The following CA11 variants were observed in gnomAD, a reference collection of about 807,000 sequenced individuals.
CA11 encodes carbonic anhydrase-related protein 11.
In CA11, 20 loss-of-function variants were observed where a neutral mutation model predicts 39.3. The observed-to-expected ratio is 0.51, with a 90% CI of 0.36 to 0.74. The LOEUF (loss-of-function observed/expected upper bound fraction) is 0.74. Ranked by LOEUF, CA11 falls within the 30% of genes least tolerant of loss-of-function variation. CA11 has a pLI of 0.00. For synonymous variants in CA11, 166 were observed against 172.5 expected (o/e 0.96, Z 0.29); for missense variants, 336 against 424.6 (o/e 0.79, Z 1.83).
chr19:48,638,027 T>G lies in CA11; in HGVS notation c.*92A>C. 1.1e-6 allele frequency: 1 copy of G among 905,266 alleles called. No individual in the cohort carries two copies. Among genetic ancestry groups the G allele is most frequent in the South Asian group, 2.1e-5 (1 of 47,266 alleles). 56.1% of individuals were successfully genotyped at this position (905,266 alleles called of 1,614,324 possible). On this transcript the variant is annotated 3_prime_UTR_variant, in exon 9 of 9. Coordinates refer to ENST00000084798, the MANE Select transcript of CA11 (RefSeq NM_001217.5). ...CAGACCACTGAGAAAACAGGAAGTATTCTGTCCCTTTAATAGCTTTGTTTT... is the reference window on the plus strand; with the variant it reads ...CAGACCACTGAGAAAACAGGAAGTAGTCTGTCCCTTTAATAGCTTTGTTTT...
intron 3 of CA11, among the ~76,000 whole-genome samples, chr19:48,641,438 A>G (rs1054628919): frequency 6.6e-6 from 1 of 152,208 alleles, no homozygotes; most frequent in African/African-American, 2.4e-5. Context: ...ATAGAGCAAT[A>G]AACAAGTAGA....
chr19:48,644,821 C>G (rs890322758), intron 2 of CA11, among the ~76,000 whole-genome samples: 1 of 152,110 alleles, frequency 6.6e-6, no homozygotes, highest in African/African-American at 2.4e-5. Context: ...TCTTGAACTC[C>G]TGACCACAGG....
rs1421584598 is a variant in CA11 at position 48,640,163 on chromosome 19, G to T, written c.403C>A (p.Leu135Met). Reference sequence around the variant, plus strand: ...GCTCCGTCGCGAGCTCCAAACAGCAGCCGCAGTTCACTGAGTCGGTGGCTG... The same window carrying T: ...GCTCCGTCGCGAGCTCCAAACAGCATCCGCAGTTCACTGAGTCGGTGGCTG... ...LYSHRLSELR[L>M]LFGARDGAGS... is the part of the protein sequence containing the mutation. Residue 135 changes from leucine to methionine, a missense_variant, in exon 4 of 9, where the codon CTG (leucine) becomes ATG (methionine). Physicochemically the swap from Leu to Met is conservative, Grantham distance 15. Coordinates refer to ENST00000084798, the MANE Select transcript of CA11 (RefSeq NM_001217.5). The T allele has an allele frequency of 1.2e-6, 2 of 1,613,980 alleles. No individual in the cohort carries two copies. Among genetic ancestry groups the T allele is most frequent in the Non-Finnish European group, 1.7e-6 (2 of 1,180,012 alleles).
chr19:48,642,397 G>T (rs2031115152), intron 3 of CA11, among the ~76,000 whole-genome samples: 1 of 152,156 alleles, frequency 6.6e-6, no homozygotes, highest in African/African-American at 2.4e-5. Flanking sequence ...TACTTGGGAG[G>T]CTGAGGCAGG....
rs200825270 is a variant in CA11, at chr19:48,639,290, C to T, written c.795+15G>A. On this transcript the variant is annotated intron_variant, in intron 7 of 8. Transcript: ENST00000084798. The stretch of plus-strand genomic sequence containing the variant: ...GTACCCAGGCCTAGGAAGGGCGGTG[C>T]GGACAGAGGGTCACCTGAAGGGAGG... The T allele has an allele frequency of 3.1e-6, 5 of 1,611,884 alleles. 1 individual carries two copies. The African/African-American group carries it at 5.3e-5, about 17-fold the overall frequency.
Position 48,638,007 on chromosome 19 carries a change from CACT to C in CA11, c.*109_*111del. On this transcript the variant is annotated 3_prime_UTR_variant, in exon 9 of 9. Coordinates refer to ENST00000084798, the MANE Select transcript of CA11 (RefSeq NM_001217.5). ...TTCCCCACCGCGCCTAGAATCAGACCACTGAGAAAACAGGAAGTATTCTGTCCC... is the reference window on the plus strand; with the variant it reads ...TTCCCCACCGCGCCTAGAATCAGACCGAGAAAACAGGAAGTATTCTGTCCC... 2 of 721,200 alleles carry C rather than the reference CACT, an allele frequency of 2.8e-6. No homozygotes were observed. Among genetic ancestry groups the C allele is most frequent in the Non-Finnish European group, 4.2e-6 (2 of 474,466 alleles). 44.7% of individuals were successfully genotyped at this position (721,200 alleles called of 1,614,324 possible).
chr19:48,639,101 T>G (rs1443846476), intron 7 of CA11, 48 bp from the exon 8 acceptor site: 8 of 1,608,226 alleles, frequency 5.0e-6, no homozygotes, highest in African/African-American at 1.3e-5. Context: ...GTGAATGGTC[T>G]TGGTGACGTC....
At position 48,639,463 on chromosome 19, in the gene CA11, CG is replaced by C. The variant is rs1601187150; in HGVS notation, c.641-5del. On this transcript the variant is annotated splice_region_variant and splice_polypyrimidine_tract_variant and intron_variant, in intron 6 of 8. Transcript: ENST00000084798. ...TCTTGAAGAAAGTAGGCATCATCTG[CG>C]GGAATATCAGGCCAGAGTAAAGAGG... The C allele has an allele frequency of 6.2e-7, 1 of 1,613,840 alleles. No homozygotes were observed. The highest frequency in any genetic ancestry group is 1.6e-4 in the Middle Eastern group (1 of 6,062).
At position 48,645,559 on chromosome 19, in the gene CA11, G is replaced by T. The variant is rs1194613898; in HGVS notation, c.67+7C>A. 2 of 1,603,316 alleles carry T rather than the reference G, an allele frequency of 1.2e-6. No individual in the cohort carries two copies. Among genetic ancestry groups the T allele is most frequent in the African/African-American group, 2.7e-5 (2 of 74,680 alleles). ...CGGGGGCTCCTCCCGGGAACCCCAG[G>T]TCTTACCTGCTGCCCCCAGTGCAGC... On this transcript the variant is annotated splice_region_variant and intron_variant, in intron 1 of 8. Transcript: ENST00000084798.
chr19:48,645,750 C>T lies in CA11; in HGVS notation c.-118G>A. 1.3e-6 allele frequency: 1 copy of T among 768,886 alleles called. No individual in the cohort carries two copies. The highest frequency in any genetic ancestry group is 2.1e-5 in the South Asian group (1 of 47,972). The allele number at this position is 768,886 out of a possible 1,614,324, so 47.6% of individuals were successfully genotyped here. A position where few individuals can be genotyped will look rare whatever the true frequency, so the allele number is the denominator to read the frequency against. ...ACTTCCAGCTTTCCTCTCCTCCCCA[C>T]AGGGAGTCCCAGTTCCCCAAATGCC... On this transcript the variant is annotated 5_prime_UTR_variant, in exon 1 of 9. In the 5' UTR this introduces an upstream ATG that the reference lacks. Transcript: ENST00000084798.
intron 3 of CA11, 138 bp from the exon 4 acceptor site, chr19:48,640,418 A>G (rs1601188267): frequency 3.0e-6 from 2 of 659,538 alleles, no homozygotes; most frequent in Non-Finnish European, 4.7e-6. Flanking sequence ...CTTGTTGCCC[A>G]GGCTGGAGTG....
In CA11 at chr19:48,644,418, G is replaced by A. The variant is rs992740491; in HGVS notation, c.285+9C>T. ...TGGGTTCAATAGCTCCTCCCTCCAA[G>A]CCCCTTACCTTCTCTCCTCCAGTGC... On this transcript the variant is annotated intron_variant, in intron 3 of 8. Transcript: ENST00000084798. 1.3e-6 allele frequency: 2 copies of A among 1,573,482 alleles called. No individual in the cohort carries two copies. The highest frequency in any genetic ancestry group is 1.4e-5 in the African/African-American group (1 of 73,864).
chr19:48,638,224 C>A (rs926835381), intron 8 of CA11, 80 bp from the exon 9 acceptor site: 2 of 1,213,418 alleles, frequency 1.6e-6, no homozygotes, highest in Non-Finnish European at 2.1e-6. Flanking sequence ...GTGGGCTGCG[C>A]CGCGCTGGGC....
In CA11 at chr19:48,638,149, A is replaced by C; in HGVS notation, c.962-5T>G. 7.4e-7 allele frequency: 1 copy of C among 1,349,894 alleles called. No individual in the cohort carries two copies. The highest frequency in any genetic ancestry group is 9.6e-7 in the Non-Finnish European group (1 of 1,041,542). 83.6% of individuals were successfully genotyped at this position (1,349,894 alleles called of 1,614,324 possible). ...GACCATGGGGGACACCATCCACTGTAAGACAGAGAACAACGGCAGGGGGCG... is the reference window on the plus strand; with the variant it reads ...GACCATGGGGGACACCATCCACTGTCAGACAGAGAACAACGGCAGGGGGCG... On this transcript the variant is annotated splice_region_variant and splice_polypyrimidine_tract_variant and intron_variant, in intron 8 of 8. Transcript: ENST00000084798.
At chr19:48,639,244 A>ATGCCCAGGCCAGTGAGTGGAG (rs2030980983) in intron 7 of CA11, 61 bp downstream of exon 7, 1 of 1,590,276 alleles carries the variant, frequency 6.3e-7, no homozygotes. Flanking sequence ...GAGCAAGGGG[A>ATGCCCAGGCCAGTGAGTGGAG]TGCCCAGGCC....
rs1166879487 is a variant in CA11 at position 48,643,197 on chromosome 19, T to C, written c.285+1230A>G. ...TTTCTCGCTCTCTCTCTTTCTTTTC[T>C]CTCCCTCTCTCTCTGTATTTATTTC... On this transcript the variant is annotated intron_variant, in intron 3 of 8. Transcript: ENST00000084798. This position sits in a 1 kb window ranked among gnomAD's most constrained non-coding sequence, Gnocchi z 4.3. Among the ~76,000 whole-genome samples the C allele has an allele frequency of 2.0e-5, 3 of 151,992 alleles. No individual in the cohort carries two copies. The East Asian group carries it at 5.8e-4, about 29-fold the overall frequency.
rs2031157291 is a variant in CA11 at position 48,643,647 on chromosome 19, AG to A, written c.285+779del. On this transcript the variant is annotated intron_variant, in intron 3 of 8. Coordinates refer to ENST00000084798, the MANE Select transcript of CA11 (RefSeq NM_001217.5). This position sits in a 1 kb window ranked among gnomAD's most constrained non-coding sequence, Gnocchi z 4.3. Reference sequence around the variant, plus strand: ...CCCAATTCCAAAAAAAAAAAAAAAAAGTATGGTTCCCAGCATGGTACTATAA... The same window carrying A: ...CCCAATTCCAAAAAAAAAAAAAAAAATATGGTTCCCAGCATGGTACTATAA... Among the ~76,000 whole-genome samples, 1 of 151,174 alleles carries A rather than the reference AG, an allele frequency of 6.6e-6. No homozygotes were observed. The highest frequency in any genetic ancestry group is 1.5e-5 in the Non-Finnish European group (1 of 67,790).
chr19:48,644,288 G>A, intron 3 of CA11, 139 bp downstream of exon 3: 1 of 648,724 alleles, frequency 1.5e-6, no homozygotes. Flanking sequence ...CCATTTTACA[G>A]TGTAAGCAGC....
At position 48,640,367 on chromosome 19, in the gene CA11, CTTTTTTTTTTTTTTT is replaced by C. The variant is rs11372081; in HGVS notation, c.286-102_286-88del. On this transcript the variant is annotated intron_variant, in intron 3 of 8. Coordinates refer to ENST00000084798, the MANE Select transcript of CA11 (RefSeq NM_001217.5). Reference sequence around the variant, plus strand: ...GCCTACATTTTCTGATTCCAACAGTCTTTTTTTTTTTTTTTTTTTTTTTTGAAACGGAGTCTCGCT... The same window carrying C: ...GCCTACATTTTCTGATTCCAACAGTCTTTTTTTTTGAAACGGAGTCTCGCT... The C allele has an allele frequency of 4.3e-3, 1,381 of 324,782 alleles. 17 individuals are homozygous for C. The highest frequency in any genetic ancestry group is 0.011 in the Middle Eastern group (11 of 964). 20.1% of individuals were successfully genotyped at this position (324,782 alleles called of 1,614,324 possible).
Sources: allele counts gnomAD v4.1 joint callset (sites outside exome capture counted in the v4.1 genomes callset), GRCh38; gene constraint gnomAD v4.1.1; non-coding constraint Gnocchi (gnomAD v3.1); transcripts MANE v1.5; gene names NCBI Gene and HGNC (gene_info 2026-07-23, HGNC 2026-07-21).